PTPRJ: variants seen among roughly 807,000 people sequenced by gnomAD.
The protein encoded by PTPRJ is receptor-type tyrosine-protein phosphatase eta.
Under a neutral mutation model 141.3 loss-of-function variants are expected in PTPRJ, and 129 were observed. The observed-to-expected ratio is 0.91, with a 90% CI of 0.79 to 1.06. PTPRJ has a LOEUF of 1.06. Ranked by LOEUF, PTPRJ falls within the 50% of genes least tolerant of loss-of-function variation. PTPRJ has a pLI of 0.00. For synonymous variants in PTPRJ, 610 were observed against 640.5 expected (o/e 0.95, Z 0.72); for missense variants, 1,601 against 1,679.7 (o/e 0.95, Z 0.82).
intron 1 of PTPRJ, among the ~76,000 whole-genome samples, chr11:47,999,207 A>G (rs1364423070): frequency 6.6e-6 from 1 of 152,204 alleles, no homozygotes; most frequent in East Asian, 1.9e-4. Flanking sequence ...GATGTCTGCC[A>G]TGGCCACAAG....
At chr11:48,118,019 T>C (rs1234092750) in intron 3 of PTPRJ, among the ~76,000 whole-genome samples, 3 of 152,168 alleles carry the variant, frequency 2.0e-5, no homozygotes, top group Non-Finnish European at 4.4e-5. Context: ...AAATAGAAAA[T>C]CTGAATAATC....
At chr11:48,047,513 C>CT (rs1055314622) in intron 1 of PTPRJ, among the ~76,000 whole-genome samples, 7 of 122,994 alleles carry the variant, frequency 5.7e-5, no homozygotes, top group East Asian at 2.3e-4. Context: ...TTTTTTTTTT[C>CT]TTTTTTTTGA....
intron 1 of PTPRJ, among the ~76,000 whole-genome samples, chr11:48,029,258 A>T (rs1377210498): frequency 1.3e-5 from 2 of 152,202 alleles, no homozygotes; most frequent in Non-Finnish European, 2.9e-5. Flanking sequence ...TTTTGATGTC[A>T]TTGCATATTG....
chr11:48,124,792 T>A (rs1236886598), intron 5 of PTPRJ, among the ~76,000 whole-genome samples, 176 bp from the exon 6 acceptor site: 1 of 152,188 alleles, frequency 6.6e-6, no homozygotes, highest in African/African-American at 2.4e-5. Flanking sequence ...GATGGAGCTA[T>A]CAGGCCTTTT....
At chr11:48,089,391 C>G (rs371183705) in intron 1 of PTPRJ, among the ~76,000 whole-genome samples, 1 of 151,960 alleles carries the variant, frequency 6.6e-6, no homozygotes, top group African/African-American at 2.4e-5. Context: ...TGGTGCAGGC[C>G]TGTGATTCCA....
chr11:48,028,513 G>A (rs576142769), intron 1 of PTPRJ, among the ~76,000 whole-genome samples: 5 of 152,296 alleles, frequency 3.3e-5, no homozygotes, highest in South Asian at 4.1e-4. Context: ...TTAAGCTGCT[G>A]GGCGTGGTGG....
At chr11:48,119,619 G>A (rs1311917335) in intron 3 of PTPRJ, among the ~76,000 whole-genome samples, 3 of 152,074 alleles carry the variant, frequency 2.0e-5, no homozygotes, top group East Asian at 1.9e-4. Flanking sequence ...GGCTGGTGTC[G>A]AACTCCTGAC....
chr11:48,162,575 G>A (rs527490908), intron 22 of PTPRJ, among the ~76,000 whole-genome samples: 1 of 152,230 alleles, frequency 6.6e-6, no homozygotes, highest in South Asian at 2.1e-4. Flanking sequence ...TTTGAATACT[G>A]CACATTCTTA....
At chr11:48,050,765 C>G (rs1248462104) in intron 1 of PTPRJ, among the ~76,000 whole-genome samples, 1 of 152,012 alleles carries the variant, frequency 6.6e-6, no homozygotes, top group East Asian at 1.9e-4. Context: ...TGCATGGATT[C>G]TGTAAAACAC....
intron 1 of PTPRJ, among the ~76,000 whole-genome samples, chr11:48,029,638 AT>A (rs1487897541): frequency 6.6e-6 from 1 of 152,252 alleles, no homozygotes; most frequent in Admixed American, 6.5e-5. Flanking sequence ...AAGGGTGCTC[AT>A]AGAGCTTTTT....
chr11:48,118,866 T>A (rs555291084), intron 3 of PTPRJ, among the ~76,000 whole-genome samples: 1 of 151,886 alleles, frequency 6.6e-6, no homozygotes, highest in South Asian at 2.1e-4. Flanking sequence ...TTTAAAATGG[T>A]GACATTAGCT....
At chr11:48,113,253 C>A (rs1007108394) in intron 3 of PTPRJ, among the ~76,000 whole-genome samples, 1 of 152,104 alleles carries the variant, frequency 6.6e-6, no homozygotes, top group East Asian at 1.9e-4. Context: ...TATGTATATA[C>A]ATATATATGT....
chr11:48,115,610 G>A (rs1022454618), intron 3 of PTPRJ, among the ~76,000 whole-genome samples: 2 of 152,074 alleles, frequency 1.3e-5, no homozygotes, highest in African/African-American at 2.4e-5. Flanking sequence ...CATATGAAAG[G>A]ATAAGACTAG....
At chr11:48,130,352 A>T in intron 7 of PTPRJ, 107 bp from the exon 8 acceptor site, 1 of 1,136,844 alleles carries the variant, frequency 8.8e-7, no homozygotes, top group Non-Finnish European at 1.2e-6. Context: ...AGAGAGAGGG[A>T]TCAGGTGTCC....
intron 1 of PTPRJ, among the ~76,000 whole-genome samples, chr11:47,983,822 G>C (rs1853975720): frequency 6.6e-6 from 1 of 152,092 alleles, no homozygotes; most frequent in African/African-American, 2.4e-5. Flanking sequence ...AAAAAAGCTG[G>C]TGACTGATAG....
intron 1 of PTPRJ, among the ~76,000 whole-genome samples, chr11:48,084,692 A>C (rs1330633887): frequency 6.6e-6 from 1 of 152,146 alleles, no homozygotes; most frequent in Non-Finnish European, 1.5e-5. Flanking sequence ...GAAAGTCCCA[A>C]GTCAAAAGGG....
intron 1 of PTPRJ, among the ~76,000 whole-genome samples, chr11:48,060,717 C>T (rs966728448): frequency 3.3e-5 from 5 of 152,200 alleles, no homozygotes; most frequent in African/African-American, 1.2e-4. Flanking sequence ...CAGGATCCCC[C>T]AGCTCCAGCT....
At chr11:48,078,425 A>C (rs1365059324) in intron 1 of PTPRJ, among the ~76,000 whole-genome samples, 2 of 152,200 alleles carry the variant, frequency 1.3e-5, no homozygotes, top group African/African-American at 4.8e-5. Context: ...TTAGGAGACA[A>C]GGGTGGAAAG....
Position 48,123,846 on chromosome 11 carries a change from C to T in PTPRJ, c.850C>T (p.Pro284Ser), listed in dbSNP as rs1856770858. ...ACAATCAAATAAGACAAAGGGAGACCCCTTGGGCACAGAAGGTGGCTTGGG... is the reference window on the plus strand; with the variant it reads ...ACAATCAAATAAGACAAAGGGAGACTCCTTGGGCACAGAAGGTGGCTTGGG... The part of the protein sequence containing the change: ...LLQSNKTKGD[P>S]LGTEGGLDAS... Residue 284 changes from proline (P) to serine (S), a missense_variant, in exon 5 of 25, where the codon CCC becomes TCC. Transcript: ENST00000418331. 1.2e-6 allele frequency: 2 copies of T among 1,613,834 alleles called. No homozygotes were observed. The highest frequency in any genetic ancestry group is 1.7e-6 in the Non-Finnish European group (2 of 1,179,946).
Sources: gnomAD v4.1 joint callset for allele counts (sites outside exome capture counted in the v4.1 genomes callset) on GRCh38, gnomAD v4.1.1 for gene constraint, MANE v1.5 for transcripts, NCBI Gene and HGNC (gene_info 2026-07-23, HGNC 2026-07-21) for gene names.